Variants in MARCHF1 observed in about 807,000 individuals in gnomAD.
MARCHF1 encodes E3 ubiquitin-protein ligase MARCHF1.
A neutral mutation model predicts 54.2 loss-of-function variants in MARCHF1; 40 were observed. The ratio of observed to expected loss-of-function variants is 0.74; its 90% CI spans 0.57 to 0.96. MARCHF1 has a LOEUF of 0.96. Among genes scored for constraint, MARCHF1 ranks in the 40% least tolerant of loss-of-function variants. The pLI is 0.00. For synonymous variants in MARCHF1, 236 were observed against 236.3 expected (o/e 1.00, Z 0.01); for missense variants, 586 against 656.5 (o/e 0.89, Z 1.17).
chr4:164,305,079 T>C (rs950785377), intron 1 of MARCHF1, among the ~76,000 whole-genome samples: 1 of 152,162 alleles, frequency 6.6e-6, no homozygotes, highest in Non-Finnish European at 1.5e-5. Flanking sequence ...CTCAGTCATC[T>C]AGTCACACCT....
At chr4:163,596,304 A>G (rs6852369) in intron 7 of MARCHF1, among the ~76,000 whole-genome samples, 150,289 of 152,168 alleles carry the variant, frequency 0.99, 74,217 homozygotes, top group Middle Eastern at 1. Context: ...CACTTTGGGA[A>G]GCCGAGGCAG....
intron 1 of MARCHF1, among the ~76,000 whole-genome samples, chr4:164,323,191 T>C (rs1000155838): frequency 6.6e-6 from 1 of 151,840 alleles, no homozygotes; most frequent in African/African-American, 2.4e-5. Flanking sequence ...CTGATCATAT[T>C]ATAATAAATT....
intron 5 of MARCHF1, among the ~76,000 whole-genome samples, chr4:163,672,021 T>C (rs1261150552): frequency 2.0e-5 from 3 of 152,194 alleles, no homozygotes; most frequent in Non-Finnish European, 4.4e-5. Flanking sequence ...CTGTGTAATA[T>C]GTTTGATTTG....
At chr4:163,727,417 C>T (rs1463071925) in intron 4 of MARCHF1, among the ~76,000 whole-genome samples, 5 of 151,968 alleles carry the variant, frequency 3.3e-5, no homozygotes, top group Admixed American at 2.0e-4. Flanking sequence ...ACGCCATTCT[C>T]CTGCCTCAGC....
chr4:164,197,098 T>C (rs1236466958), intron 1 of MARCHF1: 1 of 1,606,462 alleles, frequency 6.2e-7, no homozygotes, highest in African/African-American at 1.3e-5. Flanking sequence ...TTCTTCATCC[T>C]CCTCGTCCCC....
intron 1 of MARCHF1, among the ~76,000 whole-genome samples, chr4:164,285,333 T>G (rs1036779005): frequency 6.6e-6 from 1 of 152,130 alleles, no homozygotes; most frequent in Non-Finnish European, 1.5e-5. Context: ...GGTTCAAGGC[T>G]GCAGTGCATT....
chr4:164,260,656 CA>C (rs1490445104), intron 1 of MARCHF1, among the ~76,000 whole-genome samples: 3 of 152,152 alleles, frequency 2.0e-5, no homozygotes, highest in Non-Finnish European at 2.9e-5. Flanking sequence ...CTGGAGTACA[CA>C]ATTGTGACTA....
At position 164,286,755 on chromosome 4, in the gene MARCHF1, C is replaced by G. The variant is rs1339005466; in HGVS notation, c.-323+97115G>C. Among the ~76,000 whole-genome samples the G allele has an allele frequency of 4.0e-5, 6 of 149,398 alleles. No individual in the cohort carries two copies. The East Asian group carries it at 9.7e-4, about 24-fold the overall frequency. On this transcript the variant is annotated intron_variant, in intron 1 of 9. Transcript: ENST00000514618. ...TATAATAAATCTATAAGCAGAGAATCAGAACATACTGAAATAATTTTTATG... is the reference window on the plus strand; with the variant it reads ...TATAATAAATCTATAAGCAGAGAATGAGAACATACTGAAATAATTTTTATG...
chr4:164,264,063 T>C (rs1252238260), intron 1 of MARCHF1, among the ~76,000 whole-genome samples: 2 of 152,194 alleles, frequency 1.3e-5, no homozygotes, highest in Non-Finnish European at 2.9e-5. Context: ...TGCAGCACTG[T>C]TCACAATAGC....
chr4:164,212,637 T>C (rs577101048), intron 1 of MARCHF1, among the ~76,000 whole-genome samples: 31 of 152,174 alleles, frequency 2.0e-4, no homozygotes, highest in South Asian at 4.1e-4. Flanking sequence ...CCATGGGAGA[T>C]TGGTTCCAGG....
chr4:163,638,811 G>A (rs947042248), intron 5 of MARCHF1, among the ~76,000 whole-genome samples: 4 of 152,228 alleles, frequency 2.6e-5, no homozygotes, highest in South Asian at 4.1e-4. Flanking sequence ...GTATGTATAC[G>A]TATATCTATA....
intron 1 of MARCHF1, among the ~76,000 whole-genome samples, chr4:164,149,872 C>T (rs904303660): frequency 5.9e-5 from 9 of 152,254 alleles, no homozygotes; most frequent in Admixed American, 3.3e-4. Flanking sequence ...GACATTCAAA[C>T]GTCATTAATC....
At chr4:163,591,724 A>G (rs146459301) in intron 7 of MARCHF1, among the ~76,000 whole-genome samples, 36 of 152,280 alleles carry the variant, frequency 2.4e-4, no homozygotes, top group South Asian at 1.0e-3. Flanking sequence ...AGTTGTTACC[A>G]ATGACCAGTG....
intron 7 of MARCHF1, among the ~76,000 whole-genome samples, chr4:163,608,286 T>C (rs534287206): frequency 6.6e-6 from 1 of 152,194 alleles, no homozygotes; most frequent in Non-Finnish European, 1.5e-5. Context: ...GGAAGTCGTC[T>C]GGAGAAGATC....
intron 1 of MARCHF1, among the ~76,000 whole-genome samples, chr4:164,287,514 A>T (rs1176313222): frequency 1.3e-5 from 2 of 152,156 alleles, no homozygotes; most frequent in South Asian, 4.1e-4. Flanking sequence ...ACTAAGCTGA[A>T]TTTTTTAAAA....
intron 1 of MARCHF1, among the ~76,000 whole-genome samples, chr4:164,241,984 C>G (rs968420167): frequency 6.6e-6 from 1 of 152,198 alleles, no homozygotes; most frequent in Admixed American, 6.5e-5. Context: ...CCTATGCCCA[C>G]GGAGACTCAC....
intron 8 of MARCHF1, among the ~76,000 whole-genome samples, chr4:163,551,292 TTATAC>T (rs1440590879): frequency 6.6e-6 from 1 of 152,242 alleles, no homozygotes; most frequent in Non-Finnish European, 1.5e-5. Context: ...TAAAATCTAA[TTATAC>T]TAGTAACAAT....
At chr4:164,053,474 G>A (rs1232744644) in intron 2 of MARCHF1, among the ~76,000 whole-genome samples, 1 of 152,072 alleles carries the variant, frequency 6.6e-6, no homozygotes, top group Non-Finnish European at 1.5e-5. Context: ...AGTGATGCTT[G>A]GCTGGGCAAC....
chr4:164,289,598 A>C (rs11934043), intron 1 of MARCHF1, among the ~76,000 whole-genome samples: 1,729 of 151,604 alleles, frequency 0.011, 35 homozygotes, highest in African/African-American at 0.039. Context: ...AAAAAAAAAA[A>C]AAAAAAACCT....
Sources: gnomAD v4.1 joint callset for allele counts (sites outside exome capture counted in the v4.1 genomes callset) on GRCh38, gnomAD v4.1.1 for gene constraint, MANE v1.5 for transcripts, NCBI Gene and HGNC (gene_info 2026-07-23, HGNC 2026-07-21) for gene names.